Variants in BAHCC1 observed in about 807,000 individuals in gnomAD.
BAHCC1 encodes BAH domain and coiled-coil containing 1.
Under a neutral mutation model 88.2 loss-of-function variants are expected in BAHCC1, and 43 were observed. The ratio of observed to expected loss-of-function variants is 0.49; its 90% CI spans 0.38 to 0.63. BAHCC1 has a LOEUF of 0.63. Among genes scored for constraint, BAHCC1 ranks in the 20% least tolerant of loss-of-function variants. BAHCC1 has a pLI of 0.00. For synonymous variants in BAHCC1, 1,510 were observed against 745.5 expected (o/e 2.03, Z -16.71); for missense variants, 3,023 against 1,654.8 (o/e 1.83, Z -14.34).
intron 2 of BAHCC1, chr17:81,407,277 T>TG: frequency 5.9e-6 from 3 of 511,452 alleles, no homozygotes; most frequent in South Asian, 2.8e-5. Flanking sequence ...AGGGTGACAT[T>TG]GGGGGGCAGT....
In BAHCC1 at chr17:81,445,067, C is replaced by T. The variant is rs782441656; in HGVS notation, c.2724C>T (p.Gly908=). ...GGCCCCCCATGTACGGGGGCCGGGG[C>T]CCCGCCTCTCACATGCAGCACCCGG... ...SLWPPMYGGR[G]PASHMQHPGQ... is the part of the protein sequence containing the mutation. Residue 908 remains glycine, a synonymous_variant, in exon 9 of 28, where the codon GGC becomes GGT. Coordinates refer to ENST00000675386, the MANE Select transcript of BAHCC1 (RefSeq NM_001377448.1). 1.0e-5 allele frequency: 8 copies of T among 767,838 alleles called. No individual in the cohort carries two copies. The highest frequency in any genetic ancestry group is 2.3e-4 in the Middle Eastern group (1 of 4,442). 47.6% of individuals were successfully genotyped at this position (767,838 alleles called of 1,614,324 possible).
intron 2 of BAHCC1, among the ~76,000 whole-genome samples, chr17:81,409,395 G>A (rs768576893): frequency 6.6e-6 from 1 of 152,228 alleles, no homozygotes; most frequent in Non-Finnish European, 1.5e-5. Context: ...CGGCTGAGTG[G>A]CCTGGGGAAG....
chr17:81,418,110 C>G (rs1188086427), intron 2 of BAHCC1, among the ~76,000 whole-genome samples: 5 of 152,238 alleles, frequency 3.3e-5, no homozygotes, highest in Non-Finnish European at 7.3e-5. Flanking sequence ...GCAGAAGAGG[C>G]AACAGTAAGC....
chr17:81,451,587 G>T, intron 11 of BAHCC1, 81 bp from the exon 12 acceptor site: 1 of 652,990 alleles, frequency 1.5e-6, no homozygotes, highest in South Asian at 1.7e-5. Flanking sequence ...GTGGCTTCAG[G>T]GGGCCAGGGC....
Position 81,463,709 on chromosome 17 carries a change from C to T in BAHCC1, c.7719C>T (p.Ala2573=), listed in dbSNP as rs1180103753. 1.3e-5 allele frequency: 10 copies of T among 779,466 alleles called. No homozygotes were observed. Among genetic ancestry groups the T allele is most frequent in the African/African-American group, 1.2e-4 (7 of 59,146 alleles). The allele number at this position is 779,466 out of a possible 1,614,324, so 48.3% of individuals were successfully genotyped here. The part of the protein sequence containing the change: ...VVAREQYEQM[A]RSRKCQDRQD... Reference sequence around the variant, plus strand: ...CGCGCGAGCAGTATGAGCAGATGGCCCGGAGCCGCAAGTGCCAGGACCGGC... The same window carrying T: ...CGCGCGAGCAGTATGAGCAGATGGCTCGGAGCCGCAAGTGCCAGGACCGGC... Residue 2573 remains alanine (A), a synonymous_variant, in exon 28 of 28, where the codon GCC becomes GCT. Coordinates refer to ENST00000675386, the MANE Select transcript of BAHCC1 (RefSeq NM_001377448.1).
rs1314632654 is a variant in BAHCC1, at chr17:81,399,781, G to C, written c.42G>C (p.Ser14=). 14 of 1,239,094 alleles carry C rather than the reference G, an allele frequency of 1.1e-5. No homozygotes were observed. Among genetic ancestry groups the C allele is most frequent in the Non-Finnish European group, 1.4e-5 (14 of 991,936 alleles). The allele number at this position is 1,239,094 out of a possible 1,614,324, so 76.8% of individuals were successfully genotyped here. The stretch of plus-strand genomic sequence containing the variant: ...TTGCGCCGCCGCCGCATCTGCTGTC[G>C]GAGCGCGGGAGCCTGGGCCACCGCA... ...RDFAPPPHLL[S]ERGSLGHRSA... is the part of the protein sequence containing the mutation. Residue 14 remains serine, a synonymous_variant, in exon 2 of 28, where the codon TCG becomes TCC. Coordinates refer to ENST00000675386, the MANE Select transcript of BAHCC1 (RefSeq NM_001377448.1). This position sits in a 1 kb window ranked among gnomAD's most constrained non-coding sequence, Gnocchi z 4.5.
At chr17:81,418,794 TGC>T (rs2064070731) in intron 2 of BAHCC1, among the ~76,000 whole-genome samples, 2 of 18,630 alleles carry the variant, frequency 1.1e-4, no homozygotes, top group African/African-American at 3.0e-4. Context: ...TGTACGTGTG[TGC>T]GTGTGTGTGT....
intron 2 of BAHCC1, among the ~76,000 whole-genome samples, chr17:81,418,209 C>G (rs1289942449): frequency 6.6e-6 from 1 of 152,214 alleles, no homozygotes; most frequent in African/African-American, 2.4e-5. Context: ...CGGGACAGAG[C>G]GCCGCCCCGA....
rs1555645406 is a variant in BAHCC1, at chr17:81,399,132, T to TGTGA, written c.-206-399_-206-398insAGTG. On this transcript the variant is annotated intron_variant, in intron 1 of 27. Transcript: ENST00000675386. The surrounding 1 kb of genome is among the most constrained non-coding windows in gnomAD (Gnocchi z 4.5). ...AGGGGAGAGGGTGTGCGTGTGAGTG[T>TGTGA]GTGTGTGTGTGTGTGTGTGTGCGAG... 8.1e-6 allele frequency: 2 copies of TGTGA among 247,178 alleles called. No individual in the cohort carries two copies. The highest frequency in any genetic ancestry group is 3.8e-5 in the Admixed American group (1 of 26,052). 15.3% of individuals were successfully genotyped at this position (247,178 alleles called of 1,614,324 possible).
intron 26 of BAHCC1, among the ~76,000 whole-genome samples, chr17:81,462,324 T>C (rs1489843824): frequency 2.6e-5 from 4 of 152,222 alleles, no homozygotes; most frequent in African/African-American, 9.6e-5. Context: ...GGCCTCACTT[T>C]TCCACGTTGA....
rs1440823006 is a variant in BAHCC1, at chr17:81,457,522, A to T, written c.4971A>T (p.Ser1657=). The T allele has an allele frequency of 8.0e-6, 6 of 753,272 alleles. No individual in the cohort carries two copies. The Admixed American group carries it at 1.1e-4, about 14-fold the overall frequency. 46.7% of individuals were successfully genotyped at this position (753,272 alleles called of 1,614,324 possible). ...TGASVAVLGP[S]PSSVVKMEAN... is the part of the protein sequence containing the mutation. The stretch of plus-strand genomic sequence containing the variant: ...CCAGTGTGGCCGTGCTGGGGCCCTC[A>T]CCCTCCTCTGTGGTCAAGATGGAGG... The change falls in exon 17 of 28, where the codon TCA becomes TCT. Residue 1657 remains serine, a synonymous_variant. Transcript: ENST00000675386.
chr17:81,429,933 G>C (rs902405122), intron 3 of BAHCC1, among the ~76,000 whole-genome samples: 1 of 152,216 alleles, frequency 6.6e-6, no homozygotes, highest in Non-Finnish European at 1.5e-5. Flanking sequence ...GGAGCAGCTG[G>C]GGGTGCAGCA....
chr17:81,438,693 G>A (rs1300072272), intron 4 of BAHCC1, among the ~76,000 whole-genome samples: 1 of 152,138 alleles, frequency 6.6e-6, no homozygotes, highest in Non-Finnish European at 1.5e-5. Flanking sequence ...ACCCCCAGGC[G>A]CAGGTTCAGT....
intron 3 of BAHCC1, among the ~76,000 whole-genome samples, chr17:81,432,728 C>T (rs2064279593): frequency 4.8e-5 from 2 of 41,708 alleles, no homozygotes; most frequent in African/African-American, 1.3e-4. Context: ...CCGCCATCCC[C>T]AGACCCACCC....
At chr17:81,418,087 C>A (rs1296604319) in intron 2 of BAHCC1, among the ~76,000 whole-genome samples, 2 of 152,232 alleles carry the variant, frequency 1.3e-5, no homozygotes, top group African/African-American at 4.8e-5. Flanking sequence ...TCAGACACTT[C>A]CAGGCTGTGG....
In BAHCC1 at chr17:81,444,701, C is replaced by G. The variant is rs782402043; in HGVS notation, c.2546C>G (p.Pro849Arg). 7 of 776,440 alleles carry G rather than the reference C, an allele frequency of 9.0e-6. No homozygotes were observed. The highest frequency in any genetic ancestry group is 6.8e-5 in the African/African-American group (4 of 59,110). 48.1% of individuals were successfully genotyped at this position (776,440 alleles called of 1,614,324 possible). The change falls in exon 8 of 28, where the codon CCC becomes CGC. Residue 849 changes from proline to arginine, a missense_variant. Coordinates refer to ENST00000675386, the MANE Select transcript of BAHCC1 (RefSeq NM_001377448.1). ...CACCCTGCCCTGCACCAGAACCTGC[C>G]CCCCGGCTTCCCCGCCTCCGTGGCT... ...LGHPALHQNL[P>R]PGFPASVAGP...
rs1328680578 is a variant in BAHCC1, at chr17:81,461,743, C to T, written c.7080C>T (p.Thr2360=). 4 of 718,326 alleles carry T rather than the reference C, an allele frequency of 5.6e-6. No individual in the cohort carries two copies. Among genetic ancestry groups the T allele is most frequent in the Middle Eastern group, 4.6e-4 (2 of 4,390 alleles). The allele number at this position is 718,326 out of a possible 1,614,324, so 44.5% of individuals were successfully genotyped here. A position where few individuals can be genotyped will look rare whatever the true frequency, so the allele number is the denominator to read the frequency against. ...AGGACCCGGCTCTGCTGCTGCAGAC[C>T]TGCCTCACCCACCCCGTGCCCACCC... is the stretch of plus-strand genomic sequence containing the variant. ...DDEDPALLLQ[T]CLTHPVPTLL... Residue 2360 remains threonine, a synonymous_variant, in exon 26 of 28, where the codon ACC becomes ACT. Transcript: ENST00000675386.
At chr17:81,455,145 C>T (rs1177621927) in intron 14 of BAHCC1, 122 bp from the exon 15 acceptor site, 20 of 631,328 alleles carry the variant, frequency 3.2e-5, no homozygotes, top group African/African-American at 1.6e-4. Context: ...TCTGTCTGCC[C>T]GAGACGTGGG....
intron 2 of BAHCC1, among the ~76,000 whole-genome samples, chr17:81,418,569 G>A (rs561226705): frequency 2.0e-5 from 3 of 152,276 alleles, no homozygotes; most frequent in South Asian, 2.1e-4. Context: ...TGTTCATCCC[G>A]GTGCCGCTTC....
Sources: allele counts gnomAD v4.1 joint callset (sites outside exome capture counted in the v4.1 genomes callset), GRCh38; gene constraint gnomAD v4.1.1; non-coding constraint Gnocchi (gnomAD v3.1); transcripts MANE v1.5; gene names NCBI Gene and HGNC (gene_info 2026-07-23, HGNC 2026-07-21).